Variants in EVC2 observed in about 807,000 individuals in gnomAD.
The protein encoded by EVC2 is limbin.
A neutral mutation model predicts 149.3 loss-of-function variants in EVC2; 148 were observed. The ratio of observed to expected loss-of-function variants is 0.99; its 90% CI spans 0.87 to 1.14. EVC2 has a LOEUF of 1.14. Ranked by LOEUF, EVC2 falls within the 50% of genes most tolerant of loss-of-function variation. EVC2 has a pLI of 0.00. For missense variants in EVC2, 1,854 were observed against 1,627.3 expected (o/e 1.14, Z -2.40); for synonymous variants, 776 against 649.9 (o/e 1.19, Z -2.95).
In EVC2 at chr4:5,569,342, G is replaced by C. The variant is rs1161330568; in HGVS notation, c.3361-702C>G. ...GCTGCTGGTTACATGAATGTGCATA[G>C]GATAAAATGACAGAGAACTATACGT... On this transcript the variant is annotated intron_variant, in intron 19 of 21. Transcript: ENST00000344408. This position sits in a 1 kb window ranked among gnomAD's most constrained non-coding sequence, Gnocchi z 4.8. Among the ~76,000 whole-genome samples the C allele has an allele frequency of 1.3e-5, 2 of 152,166 alleles. No homozygotes were observed. The highest frequency in any genetic ancestry group is 2.9e-5 in the Non-Finnish European group (2 of 68,040).
intron 16 of EVC2, among the ~76,000 whole-genome samples, chr4:5,595,980 A>G (rs1405803260): frequency 2.0e-5 from 3 of 152,252 alleles, no homozygotes; most frequent in Non-Finnish European, 4.4e-5. Context: ...GAAGGCCATC[A>G]CATAATGGTA....
Position 5,677,028 on chromosome 4 carries a change from C to T in EVC2, c.870+4232G>A, listed in dbSNP as rs890583499. Among the ~76,000 whole-genome samples the T allele has an allele frequency of 3.3e-5, 5 of 152,160 alleles. No individual in the cohort carries two copies. The highest frequency in any genetic ancestry group is 7.3e-5 in the Non-Finnish European group (5 of 68,042). On this transcript the variant is annotated intron_variant, in intron 7 of 21. Transcript: ENST00000344408. This position sits in a 1 kb window ranked among gnomAD's most constrained non-coding sequence, Gnocchi z 4.3. ...GCATGAGGCCCTGATGCAAAACATT[C>T]ACTGTCAGCATCACAGAACACTTGG...
At chr4:5,654,942 C>A (rs886075334) in intron 9 of EVC2, among the ~76,000 whole-genome samples, 1 of 152,218 alleles carries the variant, frequency 6.6e-6, no homozygotes, top group Admixed American at 6.5e-5. Flanking sequence ...TTCCTGCAGA[C>A]AGTGGGTATT....
At chr4:5,575,381 G>C (rs1245848964) in intron 18 of EVC2, among the ~76,000 whole-genome samples, 1 of 152,148 alleles carries the variant, frequency 6.6e-6, no homozygotes, top group Non-Finnish European at 1.5e-5. Context: ...TAAAATCCCA[G>C]GCTAAATCAA....
rs1577108752 is a variant in EVC2 at position 5,576,511 on chromosome 4, G to A, written c.3058-57C>T. 2.6e-6 allele frequency: 4 copies of A among 1,538,820 alleles called. No individual in the cohort carries two copies. Among genetic ancestry groups the A allele is most frequent in the Non-Finnish European group, 3.5e-6 (4 of 1,147,492 alleles). Reference sequence around the variant, plus strand: ...ACTGCACAAGGCGGGTGGGGTGGAGGACAAAATCTGACCTCCTGGGTGTCT... The same window carrying A: ...ACTGCACAAGGCGGGTGGGGTGGAGAACAAAATCTGACCTCCTGGGTGTCT... On this transcript the variant is annotated intron_variant, in intron 17 of 21. Coordinates refer to ENST00000344408, the MANE Select transcript of EVC2 (RefSeq NM_147127.5). The surrounding 1 kb of genome is among the most constrained non-coding windows in gnomAD (Gnocchi z 4.5).
intron 16 of EVC2, among the ~76,000 whole-genome samples, chr4:5,595,677 C>G (rs13116767): frequency 0.66 from 100,368 of 151,886 alleles, 33,588 homozygotes; most frequent in East Asian, 0.86. Context: ...GCAAAATAAC[C>G]AGCTAACATC....
Position 5,640,511 on chromosome 4 carries a change from T to A in EVC2, c.1470+3A>T, listed in dbSNP as rs370769794. 3.9e-5 allele frequency: 63 copies of A among 1,614,000 alleles called. No homozygotes were observed. The highest frequency in any genetic ancestry group is 1.6e-4 in the Middle Eastern group (1 of 6,084). On this transcript the variant is annotated splice_donor_region_variant and intron_variant, in intron 10 of 21. Coordinates refer to ENST00000344408, the MANE Select transcript of EVC2 (RefSeq NM_147127.5). This position sits in a 1 kb window ranked among gnomAD's most constrained non-coding sequence, Gnocchi z 4.6. ...GAACGCCTTCCTTTCAGACCTGTCT[T>A]ACCCTCTCACCAGCACGTTTCAGCA...
intron 7 of EVC2, among the ~76,000 whole-genome samples, chr4:5,680,233 A>G (rs1720251502): frequency 6.6e-6 from 1 of 152,188 alleles, no homozygotes; most frequent in Admixed American, 6.5e-5. Context: ...AATAACAATA[A>G]AAAGTATGTA....
chr4:5,583,191 A>G (rs776185317), intron 17 of EVC2, among the ~76,000 whole-genome samples: 1 of 152,200 alleles, frequency 6.6e-6, no homozygotes. Flanking sequence ...AACCAACCTT[A>G]TATTTCTAGA....
At chr4:5,631,573 G>A (rs561651611) in intron 11 of EVC2, among the ~76,000 whole-genome samples, 1 of 150,538 alleles carries the variant, frequency 6.6e-6, no homozygotes, top group African/African-American at 2.4e-5. Flanking sequence ...AGACTGGGGG[G>A]GGGAACTGAA....
chr4:5,676,905 C>T (rs755750809), intron 7 of EVC2, among the ~76,000 whole-genome samples: 3 of 152,058 alleles, frequency 2.0e-5, no homozygotes, highest in Admixed American at 1.3e-4. Context: ...ACAGGCAACC[C>T]GAGTGTCCAT....
chr4:5,590,620 C>T (rs967835420), intron 16 of EVC2, among the ~76,000 whole-genome samples: 1 of 151,540 alleles, frequency 6.6e-6, no homozygotes, highest in Admixed American at 6.6e-5. Context: ...ATAATACACA[C>T]TGACCACAGA....
chr4:5,559,034 CCAAACAAA>C (rs112453868), downstream of EVC2, among the ~76,000 whole-genome samples: 5 of 151,710 alleles, frequency 3.3e-5, no homozygotes, highest in Non-Finnish European at 7.4e-5. This position sits in a 1 kb window ranked among gnomAD's most constrained non-coding sequence, Gnocchi z 5.0. Flanking sequence ...CCCTGCAAAA[CCAAACAAA>C]CAAACAAACA....
chr4:5,547,474 C>T (rs1426975155), intron 21 of EVC2, among the ~76,000 whole-genome samples: 1 of 152,170 alleles, frequency 6.6e-6, no homozygotes, highest in Non-Finnish European at 1.5e-5. Context: ...AGCTGCCGGT[C>T]CCACGGACCA....
chr4:5,576,371 C>A lies in EVC2; in HGVS notation c.3141G>T (p.Trp1047Cys), dbSNP rs886037764. 3 of 1,614,166 alleles carry A rather than the reference C, an allele frequency of 1.9e-6. No individual in the cohort carries two copies. The African/African-American group carries it at 4.0e-5, about 22-fold the overall frequency. Residue 1047 changes from tryptophan to cysteine, a missense_variant, in exon 18 of 22, where the codon TGG (tryptophan) becomes TGT (cysteine). Trp to Cys is a radical substitution (Grantham distance 215, BLOSUM62 -2). Coordinates refer to ENST00000344408, the MANE Select transcript of EVC2 (RefSeq NM_147127.5). The surrounding 1 kb of genome is among the most constrained non-coding windows in gnomAD (Gnocchi z 4.5). The stretch of plus-strand genomic sequence containing the variant: ...CGGGCCCATCGGCCACCCACTGCTG[C>A]CAGCTCGCCAGGGCCTGCTGCTGCT... ...AAQQQQALAS[W>C]QQWVADGPGI...
intron 1 of EVC2, among the ~76,000 whole-genome samples, chr4:5,703,773 A>T (rs1050660709): frequency 6.6e-6 from 1 of 152,220 alleles, no homozygotes; most frequent in Non-Finnish European, 1.5e-5. Context: ...ATACAAACAA[A>T]ACAGTAACAT....
At chr4:5,563,792 T>C (rs193114456) in intron 21 of EVC2, among the ~76,000 whole-genome samples, 46 of 152,242 alleles carry the variant, frequency 3.0e-4, no homozygotes, top group Admixed American at 2.7e-3. Flanking sequence ...TAAACATTTA[T>C]GAGTACACCT....
chr4:5,584,864 GGGAT>G lies in EVC2; in HGVS notation c.2830-18_2830-15del, dbSNP rs764282438. 1 of 1,614,006 alleles carries G rather than the reference GGGAT, an allele frequency of 6.2e-7. No homozygotes were observed. Among genetic ancestry groups the G allele is most frequent in the Non-Finnish European group, 8.5e-7 (1 of 1,179,922 alleles). ...TTCACCTCGAACCTGGGAGGGGACA[GGGAT>G]GGACCCAAACCCAGAGAGCAGTGAG... On this transcript the variant is annotated splice_polypyrimidine_tract_variant and intron_variant, in intron 16 of 21. Transcript: ENST00000344408.
chr4:5,704,076 C>G (rs1392208293), intron 1 of EVC2, among the ~76,000 whole-genome samples: 1 of 152,082 alleles, frequency 6.6e-6, no homozygotes, highest in Non-Finnish European at 1.5e-5. Flanking sequence ...CAATGGGAAG[C>G]CACCGTGAGC....
Sources: gnomAD v4.1 joint callset for allele counts (sites outside exome capture counted in the v4.1 genomes callset) on GRCh38, gnomAD v4.1.1 for gene constraint, Gnocchi (gnomAD v3.1) non-coding constraint, MANE v1.5 for transcripts, NCBI Gene and HGNC (gene_info 2026-07-23, HGNC 2026-07-21) for gene names.